The following CCDC66 variants were observed in gnomAD, a reference collection of about 807,000 sequenced individuals.
CCDC66 encodes coiled-coil domain-containing protein 66.
Under a neutral mutation model 128.3 loss-of-function variants are expected in CCDC66, and 133 were observed. The observed-to-expected ratio is 1.04, with a 90% CI of 0.90 to 1.20. CCDC66 has a LOEUF of 1.20. Among genes scored for constraint, CCDC66 ranks in the 50% most tolerant of loss-of-function variants. CCDC66 has a pLI of 0.00. For synonymous variants in CCDC66, 387 were observed against 357.0 expected, an observed-to-expected ratio of 1.08 and a Z score of -0.95; for missense variants, 1,126 against 1,075.5, an observed-to-expected ratio of 1.05 and a Z score of -0.66.
intron 10 of CCDC66, among the ~76,000 whole-genome samples, chr3:56,609,594 T>C (rs904574942): frequency 1.3e-5 from 2 of 152,214 alleles, no homozygotes; most frequent in Non-Finnish European, 2.9e-5. Flanking sequence ...AAATGTGAGG[T>C]ACTGTTGCAT....
chr3:56,606,502 C>T (rs575704229), intron 10 of CCDC66, among the ~76,000 whole-genome samples: 1 of 151,982 alleles, frequency 6.6e-6, no homozygotes, highest in Non-Finnish European at 1.5e-5. Flanking sequence ...CAGCATGGCA[C>T]ATCCCTCATG....
intron 7 of CCDC66, among the ~76,000 whole-genome samples, chr3:56,581,370 A>G (rs180835023): frequency 6.6e-6 from 1 of 151,820 alleles, no homozygotes; most frequent in East Asian, 2.0e-4. Context: ...TTTAGCTTGG[A>G]GAAGTTTGTT....
At chr3:56,611,039 T>C (rs1488879541) in intron 10 of CCDC66, among the ~76,000 whole-genome samples, 3 of 152,150 alleles carry the variant, frequency 2.0e-5, no homozygotes. Context: ...TTTGTGCTGG[T>C]TGGCCTCCTG....
At chr3:56,592,663 C>G (rs2071131335) in intron 7 of CCDC66, among the ~76,000 whole-genome samples, 1 of 151,984 alleles carries the variant, frequency 6.6e-6, no homozygotes, top group South Asian at 2.1e-4. Flanking sequence ...CTGCATCCAG[C>G]TGAATTTTGA....
chr3:56,561,255 A>G, intron 3 of CCDC66: 2 of 456,680 alleles, frequency 4.4e-6, no homozygotes, highest in Non-Finnish European at 8.8e-6. Flanking sequence ...TATCTTCTCC[A>G]GGCTGATTTG....
At chr3:56,577,368 AGGTTG>A (rs1199129022) in intron 7 of CCDC66, among the ~76,000 whole-genome samples, 1 of 151,806 alleles carries the variant, frequency 6.6e-6, no homozygotes, top group Non-Finnish European at 1.5e-5. Flanking sequence ...CCCATTCTGT[AGGTTG>A]CCTGTTTACT....
At chr3:56,620,088 C>T (rs1265913926) in intron 17 of CCDC66, 187 bp downstream of exon 17, 6 of 462,508 alleles carry the variant, frequency 1.3e-5, no homozygotes, top group Non-Finnish European at 2.3e-5. Flanking sequence ...TTTACACTGC[C>T]GTCTTTGAGT....
rs142450418 is a variant in CCDC66 at position 56,599,041 on chromosome 3, G to A, written c.1404+5013G>A. On this transcript the variant is annotated intron_variant, in intron 10 of 17. Transcript: ENST00000394672. ...GTAGAATTCATTAGTGAAGTTGTCT[G>A]GTCCTGGACTTTCCTTTGTTGGGAG... Among the ~76,000 whole-genome samples the A allele has an allele frequency of 3.9e-4, 60 of 152,040 alleles. No homozygotes were observed. In the East Asian group the frequency reaches 0.011, roughly 28 times the overall value.
chr3:56,617,764 TG>T, intron 14 of CCDC66, 159 bp downstream of exon 14: 5 of 836,364 alleles, frequency 6.0e-6, no homozygotes, highest in Admixed American at 6.3e-5. Flanking sequence ...TGCCTGTTTT[TG>T]GAAAGTTTTA....
chr3:56,563,399 A>G (rs866990453), intron 3 of CCDC66: 10 of 249,956 alleles, frequency 4.0e-5, no homozygotes, highest in African/African-American at 2.0e-4. Context: ...AATTGAAAAA[A>G]AAAAAAAAGA....
chr3:56,605,644 CT>C (rs2073956383), intron 10 of CCDC66, among the ~76,000 whole-genome samples: 1 of 152,044 alleles, frequency 6.6e-6, no homozygotes, highest in South Asian at 2.1e-4. Context: ...CCTCTGGAAG[CT>C]TCGTCCCAGA....
chr3:56,619,812 T>C lies in CCDC66; in HGVS notation c.2671T>C (p.Cys891Arg). 6.2e-7 allele frequency: 1 copy of C among 1,614,128 alleles called. No individual in the cohort carries two copies. Among genetic ancestry groups the C allele is most frequent in the Non-Finnish European group, 8.5e-7 (1 of 1,179,994 alleles). The change falls in exon 17 of 18, where the codon TGT becomes CGT. Residue 891 changes from cysteine to arginine, a missense_variant. Cys to Arg is a radical substitution (Grantham distance 180, BLOSUM62 -3). Transcript: ENST00000394672. ...GQKRQLFDSD[C>R]VRDPLLNPNM... ...AAAACGACAGCTATTTGATTCTGAC[T>C]GTGTCAGGGATCCACTTCTTAATCC...
chr3:56,593,240 C>A, intron 8 of CCDC66, 139 bp downstream of exon 8: 1 of 791,038 alleles, frequency 1.3e-6, no homozygotes, highest in Non-Finnish European at 1.9e-6. Flanking sequence ...GAACCTGTTT[C>A]ATTGAATGCA....
At chr3:56,599,672 A>G (rs11928844) in intron 10 of CCDC66, among the ~76,000 whole-genome samples, 6,205 of 151,772 alleles carry the variant, frequency 0.041, 205 homozygotes, top group Non-Finnish European at 0.062. Flanking sequence ...TTTAATTTCT[A>G]TTTATTGGTA....
chr3:56,621,596 A>G lies in CCDC66; in HGVS notation c.2825A>G (p.Glu942Gly). ...SLLPLAENQE[E>G]SFGSSF Reference sequence around the variant, plus strand: ...CTGCCTTTAGCTGAAAATCAAGAAGAGAGTTTTGGTTCTTCATTTTAAATG... The same window carrying G: ...CTGCCTTTAGCTGAAAATCAAGAAGGGAGTTTTGGTTCTTCATTTTAAATG... Residue 942 changes from glutamate (E) to glycine (G), a missense_variant, in exon 18 of 18, where the codon GAG becomes GGG. Transcript: ENST00000394672. 1 of 1,599,306 alleles carries G rather than the reference A, an allele frequency of 6.3e-7. No individual in the cohort carries two copies. The highest frequency in any genetic ancestry group is 8.5e-7 in the Non-Finnish European group (1 of 1,173,552).
In CCDC66 at chr3:56,613,386, T is replaced by C. The variant is rs1040572153; in HGVS notation, c.1405-203T>C. On this transcript the variant is annotated intron_variant, in intron 10 of 17. Transcript: ENST00000394672. ...TCCTGTCAAGACAGGCTGCTTTGCT[T>C]TCTTCCTTGCTTTTGATGCTTCCTG... Among the ~76,000 whole-genome samples the C allele has an allele frequency of 2.6e-4, 40 of 152,322 alleles. 1 individual carries two copies. The highest frequency in any genetic ancestry group is 9.4e-4 in the African/African-American group (39 of 41,568).
intron 17 of CCDC66, chr3:56,620,464 G>C (rs2076281324): frequency 6.6e-6 from 1 of 152,350 alleles, no homozygotes; most frequent in Non-Finnish European, 1.5e-5. Context: ...AAAAAGAATG[G>C]CTGTAGTTAG....
At chr3:56,596,791 C>T (rs887213483) in intron 10 of CCDC66, among the ~76,000 whole-genome samples, 35 of 140,190 alleles carry the variant, frequency 2.5e-4, no homozygotes, top group African/African-American at 8.8e-4. Flanking sequence ...AGTGGAGTCT[C>T]AGACTGTCAC....
Position 56,559,554 on chromosome 3 carries a change from T to C in CCDC66, c.77-15T>C, listed in dbSNP as rs1465421121. On this transcript the variant is annotated splice_polypyrimidine_tract_variant and intron_variant, in intron 2 of 17. Transcript: ENST00000394672. ...TTTTGGTGGATAGTTTAGTAATTTC[T>C]TTTTTCTTTTGTAGAACATAAATCA... 2 of 1,516,534 alleles carry C rather than the reference T, an allele frequency of 1.3e-6. No homozygotes were observed. The highest frequency in any genetic ancestry group is 1.8e-6 in the Non-Finnish European group (2 of 1,123,784). The allele number at this position is 1,516,534 out of a possible 1,614,324, so 93.9% of individuals were successfully genotyped here.
Sources: gnomAD v4.1 joint callset for allele counts (sites outside exome capture counted in the v4.1 genomes callset) on GRCh38, gnomAD v4.1.1 for gene constraint, MANE v1.5 for transcripts, NCBI Gene and HGNC (gene_info 2026-07-23, HGNC 2026-07-21) for gene names.